CHD9: variants seen among roughly 807,000 people sequenced by gnomAD.
CHD9 encodes chromodomain helicase DNA binding protein 9.
In CHD9, 77 loss-of-function variants were observed where a neutral mutation model predicts 316.1. That is an observed-to-expected ratio of 0.24 (90% confidence interval 0.20 to 0.29). CHD9 has a LOEUF of 0.29. CHD9 is among the 10% of genes least tolerant of loss of function. CHD9 has a pLI of 1.00. For missense variants in CHD9, 2,763 were observed against 3,438.1 expected (o/e 0.80, Z 4.91); for synonymous variants, 1,129 against 1,158.3 (o/e 0.97, Z 0.51).
Position 53,156,871 on chromosome 16 carries a change from C to T in CHD9, c.782C>T (p.Ser261Phe), listed in dbSNP as rs2041556674. 2.5e-6 allele frequency: 4 copies of T among 1,613,548 alleles called. No homozygotes were observed. Among genetic ancestry groups the T allele is most frequent in the African/African-American group, 1.3e-5 (1 of 75,048 alleles). ...NFNGPSPNMT[S>F]CSVSNSQQFS... ...AATGGACCTTCCCCAAATATGACTTCTTGTTCTGTCAGTAATTCACAGCAA... is the reference window on the plus strand; with the variant it reads ...AATGGACCTTCCCCAAATATGACTTTTTGTTCTGTCAGTAATTCACAGCAA... Residue 261 changes from serine to phenylalanine, a missense_variant, in exon 2 of 39, where the codon TCT becomes TTT. Coordinates refer to ENST00000447540, the MANE Select transcript of CHD9 (RefSeq NM_001308319.2).
chr16:53,134,555 T>G (rs1167149392), intron 1 of CHD9, among the ~76,000 whole-genome samples: 1 of 152,216 alleles, frequency 6.6e-6, no homozygotes, highest in Non-Finnish European at 1.5e-5. Flanking sequence ...ATCTTGTCCT[T>G]GTAGCCCTTA....
chr16:53,082,797 G>T (rs1033068130), intron 1 of CHD9, among the ~76,000 whole-genome samples: 6 of 152,114 alleles, frequency 3.9e-5, no homozygotes, highest in African/African-American at 1.4e-4. Context: ...TCCAATTCCA[G>T]CACATCCTTC....
chr16:53,321,513 T>C lies in CHD9; in HGVS notation c.7714-13T>C. 1 of 1,529,492 alleles carries C rather than the reference T, an allele frequency of 6.5e-7. No individual in the cohort carries two copies. Among genetic ancestry groups the C allele is most frequent in the Non-Finnish European group, 8.8e-7 (1 of 1,131,804 alleles). The allele number at this position is 1,529,492 out of a possible 1,614,324, so 94.7% of individuals were successfully genotyped here. On this transcript the variant is annotated splice_polypyrimidine_tract_variant and intron_variant, in intron 37 of 38. Transcript: ENST00000447540. ...AACAGTGTTGTAGTATTTAATCTGT[T>C]TCTAATTTACAGGTTGGAGGTGCAT...
At chr16:53,314,722 GCAA>G (rs752677245) in intron 35 of CHD9, 98 bp from the exon 36 acceptor site, 111 of 1,108,594 alleles carry the variant, frequency 1.0e-4, no homozygotes, top group Non-Finnish European at 1.3e-4. Context: ...AGAATTTTTA[GCAA>G]CAACTTATTT....
At chr16:53,260,339 C>G (rs1481859975) in intron 19 of CHD9, among the ~76,000 whole-genome samples, 1 of 152,078 alleles carries the variant, frequency 6.6e-6, no homozygotes, top group Non-Finnish European at 1.5e-5. Flanking sequence ...CTCAGCCAGG[C>G]AAGCTGGCAT....
Position 53,210,918 on chromosome 16 carries a change from G to A in CHD9, c.1784+1105G>A, listed in dbSNP as rs1297128228. Reference sequence around the variant, plus strand: ...ATCATATTGATTTTGCATTTTACTTGCAGACAGCTAAAATGAAATTTGAAA... The same window carrying A: ...ATCATATTGATTTTGCATTTTACTTACAGACAGCTAAAATGAAATTTGAAA... On this transcript the variant is annotated intron_variant, in intron 3 of 38. Transcript: ENST00000447540. 2.0e-5 allele frequency among the ~76,000 whole-genome samples: 3 copies of A among 151,910 alleles called. No individual in the cohort carries two copies. The South Asian group carries it at 6.2e-4, about 32-fold the overall frequency.
chr16:53,167,011 T>TA (rs80132180), intron 2 of CHD9, among the ~76,000 whole-genome samples: 36,463 of 152,082 alleles, frequency 0.24, 4,702 homozygotes, highest in Middle Eastern at 0.32. Flanking sequence ...TGCTGTCACA[T>TA]AACTAGTTAG....
intron 1 of CHD9, among the ~76,000 whole-genome samples, chr16:53,104,639 C>T (rs556185455): frequency 1.3e-5 from 2 of 151,802 alleles, no homozygotes; most frequent in Admixed American, 6.6e-5. Context: ...GGTGAAACCC[C>T]ATCTCTACTA....
At chr16:53,269,801 A>C (rs1597736952) in intron 22 of CHD9, among the ~76,000 whole-genome samples, 1 of 152,142 alleles carries the variant, frequency 6.6e-6, no homozygotes, top group East Asian at 1.9e-4. Context: ...CCCCAATCCC[A>C]CCCCTACCAC....
In CHD9 at chr16:53,124,467, ATTTTTTTTTTTT is replaced by A. The variant is rs753476091; in HGVS notation, c.-164-31443_-164-31432del. Among the ~76,000 whole-genome samples, 6 of 96,956 alleles carry A rather than the reference ATTTTTTTTTTTT, an allele frequency of 6.2e-5. No homozygotes were observed. In the South Asian group the frequency reaches 1.6e-3, roughly 27 times the overall value. The allele number at this position is 96,956 out of a possible 152,430, so 63.6% of individuals were successfully genotyped here. On this transcript the variant is annotated intron_variant, in intron 1 of 38. Transcript: ENST00000447540. ...AAACCATCAGATCTGGTGAGACTTA[ATTTTTTTTTTTT>A]TTTTTTTTTTTTTTTGGAGAAGGTG... is the stretch of plus-strand genomic sequence containing the variant.
rs1567483122 is a variant in CHD9 at position 53,209,666 on chromosome 16, C to T, written c.1637C>T (p.Pro546Leu). 1 of 1,613,762 alleles carries T rather than the reference C, an allele frequency of 6.2e-7. No homozygotes were observed. Among genetic ancestry groups the T allele is most frequent in the African/African-American group, 1.3e-5 (1 of 74,986 alleles). The change falls in exon 3 of 39, where the codon CCA (proline) becomes CTA (leucine). Residue 546 changes from proline (P) to leucine (L), a missense_variant. By Grantham distance (98) the Pro-to-Leu change is moderately conservative. This residue lies in a region of CHD9 where 859 missense variants were observed against 890.4 expected (regional missense o/e 0.96). Transcript: ENST00000447540. ...AAGGAGCGTGGGGAACGCAATATTC[C>T]ACGAGTAATGAGCCCTGAAAACTTT... is the stretch of plus-strand genomic sequence containing the variant. The part of the protein sequence containing the change: ...KAKERGERNI[P>L]RVMSPENFPT...
intron 1 of CHD9, among the ~76,000 whole-genome samples, chr16:53,136,876 A>G (rs2039754076): frequency 6.6e-6 from 1 of 152,164 alleles, no homozygotes; most frequent in South Asian, 2.1e-4. Flanking sequence ...CTTGATGTCT[A>G]AAAACCATAG....
chr16:53,117,640 T>A (rs2038418830), intron 1 of CHD9, among the ~76,000 whole-genome samples: 1 of 151,906 alleles, frequency 6.6e-6, no homozygotes, highest in South Asian at 2.1e-4. Context: ...GGTCTCGAAC[T>A]CCCGACCTCA....
intron 22 of CHD9, among the ~76,000 whole-genome samples, chr16:53,269,963 A>C (rs2052077106): frequency 6.6e-6 from 1 of 152,024 alleles, no homozygotes; most frequent in Non-Finnish European, 1.5e-5. Context: ...AAAGAGATTG[A>C]AAAGTTATCA....
chr16:53,170,804 G>A (rs1362982400), intron 2 of CHD9, among the ~76,000 whole-genome samples: 3 of 152,044 alleles, frequency 2.0e-5, no homozygotes, highest in Non-Finnish European at 4.4e-5. Context: ...TAACTGCTAA[G>A]CACTGATATT....
chr16:53,324,820 G>A lies in CHD9; in HGVS notation c.8619G>A (p.Glu2873=). ...AAAACAGCACAGATGAGGGTTCAGA[G>A]AAAGCTGATGCTTCATCTGGATCTG... ...LNENSTDEGS[E]KADASSGSDS... Residue 2873 remains glutamate, a synonymous_variant, in exon 39 of 39, where the codon GAG becomes GAA. Transcript: ENST00000447540. The A allele has an allele frequency of 6.2e-7, 1 of 1,612,470 alleles. No individual in the cohort carries two copies. Among genetic ancestry groups the A allele is most frequent in the East Asian group, 2.2e-5 (1 of 44,820 alleles).
chr16:53,225,883 G>C (rs1770548348), intron 4 of CHD9, among the ~76,000 whole-genome samples: 1 of 151,880 alleles, frequency 6.6e-6, no homozygotes, highest in South Asian at 2.1e-4. Context: ...ATATTCATCT[G>C]ATACACTTTT....
intron 24 of CHD9, among the ~76,000 whole-genome samples, chr16:53,278,598 A>G (rs1392392166): frequency 6.6e-6 from 1 of 151,884 alleles, no homozygotes; most frequent in African/African-American, 2.4e-5. Context: ...CTTATACAAA[A>G]ATGCAATCTA....
At chr16:53,233,957 G>A (rs986524955) in intron 10 of CHD9, among the ~76,000 whole-genome samples, 1 of 151,936 alleles carries the variant, frequency 6.6e-6, no homozygotes, top group Non-Finnish European at 1.5e-5. Context: ...TTTGGGGCCA[G>A]GATAATGTTA....
Sources: gnomAD v4.1 joint callset for allele counts (sites outside exome capture counted in the v4.1 genomes callset) on GRCh38, gnomAD v4.1.1 for gene constraint, gnomAD v4.1.1 regional missense constraint, MANE v1.5 for transcripts, NCBI Gene and HGNC (gene_info 2026-07-23, HGNC 2026-07-21) for gene names.